PELI2: variants seen among roughly 807,000 people sequenced by gnomAD.
The protein encoded by PELI2 is pellino E3 ubiquitin protein ligase family member 2, also known as E3 ubiquitin-protein ligase pellino homolog 2.
PELI2 carries 23 observed loss-of-function variants against 42.3 expected under a neutral mutation model. That is an observed-to-expected ratio of 0.54 (90% CI 0.39 to 0.77). The LOEUF (loss-of-function observed/expected upper bound fraction) is 0.77. PELI2 is among the 30% of genes least tolerant of loss of function. The pLI, the probability that PELI2 is intolerant of heterozygous loss-of-function variation, is 0.00. For missense variants in PELI2, 463 were observed against 553.2 expected (o/e 0.84, Z 1.64); for synonymous variants, 245 against 212.2 (o/e 1.15, Z -1.34).
chr14:56,240,299 G>A lies in PELI2; in HGVS notation c.208-39377G>A, dbSNP rs540865470. ...GGGGCGAGACGATTGGGGGCCTGAC[G>A]GTGGAGCAGGAGAGAAGGGGATGGA... On this transcript the variant is annotated intron_variant, in intron 2 of 5. Coordinates refer to ENST00000267460, the MANE Select transcript of PELI2 (RefSeq NM_021255.3). 8.5e-5 allele frequency among the ~76,000 whole-genome samples: 13 copies of A among 152,234 alleles called. No individual in the cohort carries two copies. In the East Asian group the frequency reaches 1.5e-3, roughly 18 times the overall value.
At chr14:56,162,073 T>G (rs1884785078) in intron 1 of PELI2, among the ~76,000 whole-genome samples, 1 of 152,222 alleles carries the variant, frequency 6.6e-6, no homozygotes, top group South Asian at 2.1e-4. Flanking sequence ...ATAACCACAT[T>G]ATGGAGAACA....
chr14:56,143,840 G>C (rs1405558731), intron 1 of PELI2, among the ~76,000 whole-genome samples: 1 of 152,086 alleles, frequency 6.6e-6, no homozygotes, highest in Non-Finnish European at 1.5e-5. Context: ...TATTTTCCCT[G>C]TCTCAGCCTG....
intron 1 of PELI2, among the ~76,000 whole-genome samples, chr14:56,162,442 A>T (rs1044488566): frequency 4.6e-5 from 7 of 152,126 alleles, no homozygotes; most frequent in African/African-American, 1.7e-4. Flanking sequence ...AAATAACTGG[A>T]TCTTATTTCC....
chr14:56,244,349 A>G (rs1377124260), intron 2 of PELI2, among the ~76,000 whole-genome samples: 2 of 152,256 alleles, frequency 1.3e-5, no homozygotes, highest in African/African-American at 2.4e-5. Flanking sequence ...GCAGTCATGC[A>G]TGAATGAATA....
intron 1 of PELI2, among the ~76,000 whole-genome samples, chr14:56,168,269 C>A (rs1395272088): frequency 6.6e-6 from 1 of 152,160 alleles, no homozygotes; most frequent in African/African-American, 2.4e-5. Flanking sequence ...GCGTGCCCCC[C>A]CCCAGACCCT....
chr14:56,125,525 T>A (rs1489396178), intron 1 of PELI2, among the ~76,000 whole-genome samples: 1 of 152,278 alleles, frequency 6.6e-6, no homozygotes, highest in East Asian at 1.9e-4. Context: ...CTGTGTCCTT[T>A]GAGAGTCCCC....
intron 5 of PELI2, among the ~76,000 whole-genome samples, chr14:56,291,742 G>T (rs901966629): frequency 1.3e-5 from 2 of 152,190 alleles, no homozygotes; most frequent in Admixed American, 6.5e-5. Flanking sequence ...TAACATTTCC[G>T]ACATGAGCTC....
At chr14:56,151,660 C>G (rs757746259) in intron 1 of PELI2, among the ~76,000 whole-genome samples, 1 of 152,164 alleles carries the variant, frequency 6.6e-6, no homozygotes, top group Non-Finnish European at 1.5e-5. Context: ...TTAACAGGGC[C>G]TCCCCTATAA....
rs1015596968 is a variant in PELI2, at chr14:56,288,131, G to A, written c.310-306G>A. Among the ~76,000 whole-genome samples the A allele has an allele frequency of 6.6e-6, 1 of 152,182 alleles. No individual in the cohort carries two copies. The highest frequency in any genetic ancestry group is 1.5e-5 in the Non-Finnish European group (1 of 68,036). On this transcript the variant is annotated intron_variant, in intron 3 of 5. Coordinates refer to ENST00000267460, the MANE Select transcript of PELI2 (RefSeq NM_021255.3). This position sits in a 1 kb window ranked among gnomAD's most constrained non-coding sequence, Gnocchi z 4.6. ...TGAGTAAGTTCTAGAGAGTTGCTGTGCACCGTTCTGCCTGTAGTCAACAAT... is the reference window on the plus strand; with the variant it reads ...TGAGTAAGTTCTAGAGAGTTGCTGTACACCGTTCTGCCTGTAGTCAACAAT...
At chr14:56,120,630 G>C (rs1000035918) in intron 1 of PELI2, among the ~76,000 whole-genome samples, 19 of 152,324 alleles carry the variant, frequency 1.2e-4, no homozygotes, top group African/African-American at 4.6e-4. Flanking sequence ...CTCTGTGCCT[G>C]TGCTGTTTAG....
intron 2 of PELI2, among the ~76,000 whole-genome samples, chr14:56,224,434 C>G (rs7161274): frequency 6.6e-6 from 1 of 152,086 alleles, no homozygotes; most frequent in African/African-American, 2.4e-5. Flanking sequence ...GTGATTTGCC[C>G]TCTGGTGTCT....
intron 5 of PELI2, 80 bp from the exon 6 acceptor site, chr14:56,296,520 G>T: frequency 1.1e-6 from 1 of 938,734 alleles, no homozygotes. Flanking sequence ...ATATTTTTTT[G>T]CTTGTTCTGA....
chr14:56,207,835 G>T (rs1886574707), intron 2 of PELI2, among the ~76,000 whole-genome samples: 1 of 152,214 alleles, frequency 6.6e-6, no homozygotes, highest in Non-Finnish European at 1.5e-5. Context: ...CTCTGAGCAG[G>T]ATGGTACCTC....
At chr14:56,287,267 C>A (rs565604038) in intron 3 of PELI2, among the ~76,000 whole-genome samples, 1 of 152,204 alleles carries the variant, frequency 6.6e-6, no homozygotes, top group South Asian at 2.1e-4. Flanking sequence ...AGGTTTACGC[C>A]TAAGTTTGAA....
intron 2 of PELI2, among the ~76,000 whole-genome samples, chr14:56,205,406 G>A (rs1174980834): frequency 6.6e-6 from 1 of 152,186 alleles, no homozygotes; most frequent in African/African-American, 2.4e-5. Flanking sequence ...TCATGAGCCT[G>A]TAGGGGAGGG....
Position 56,189,178 on chromosome 14 carries a change from A to G in PELI2, c.207+10714A>G, listed in dbSNP as rs137899426. ...TGTCTCAAAGAAAATAAAATAAAACAGGGATTTATATCAGTCAGTTGAGAC... is the reference window on the plus strand; with the variant it reads ...TGTCTCAAAGAAAATAAAATAAAACGGGGATTTATATCAGTCAGTTGAGAC... On this transcript the variant is annotated intron_variant, in intron 2 of 5. Transcript: ENST00000267460. Among the ~76,000 whole-genome samples the G allele has an allele frequency of 6.6e-5, 10 of 152,262 alleles. No individual in the cohort carries two copies. The East Asian group carries it at 1.2e-3, about 18-fold the overall frequency.
At chr14:56,132,144 C>T (rs940107444) in intron 1 of PELI2, among the ~76,000 whole-genome samples, 1 of 152,132 alleles carries the variant, frequency 6.6e-6, no homozygotes, top group African/African-American at 2.4e-5. Context: ...GGAGGAGATG[C>T]CATCCCATTG....
At chr14:56,217,955 T>A (rs8015347) in intron 2 of PELI2, among the ~76,000 whole-genome samples, 60,887 of 152,092 alleles carry the variant, frequency 0.4, 13,038 homozygotes, top group South Asian at 0.53. Context: ...AGCACTCTGC[T>A]AACTACTTTT....
Position 56,286,844 on chromosome 14 carries a change from T to C in PELI2, c.310-1593T>C, listed in dbSNP as rs146932211. On this transcript the variant is annotated intron_variant, in intron 3 of 5. Transcript: ENST00000267460. ...CAGCACTCTAGAGGTTAGATTTAAG[T>C]GGAAGCAAACTGATAAGTCATGTGT... Among the ~76,000 whole-genome samples, 26 of 152,310 alleles carry C rather than the reference T, an allele frequency of 1.7e-4. No individual in the cohort carries two copies. The East Asian group carries it at 5.0e-3, about 29-fold the overall frequency.
Sources: gnomAD v4.1 joint callset for allele counts (sites outside exome capture counted in the v4.1 genomes callset) on GRCh38, gnomAD v4.1.1 for gene constraint, Gnocchi (gnomAD v3.1) non-coding constraint, MANE v1.5 for transcripts, NCBI Gene and HGNC (gene_info 2026-07-23, HGNC 2026-07-21) for gene names.